Variants in MYH11 observed in about 807,000 individuals in gnomAD.
The protein encoded by MYH11 is myosin heavy chain 11.
Under a neutral mutation model 246.6 loss-of-function variants are expected in MYH11, and 80 were observed. The observed-to-expected ratio is 0.32, with a 90% CI of 0.27 to 0.39. MYH11 has a LOEUF of 0.39. Among genes scored for constraint, MYH11 ranks in the 10% least tolerant of loss-of-function variants. The pLI is 1.00. For synonymous variants in MYH11, 1,071 were observed against 1,015.5 expected, an observed-to-expected ratio of 1.05 and a Z score of -1.04; for missense variants, 2,158 against 2,546.8, an observed-to-expected ratio of 0.85 and a Z score of 3.29.
intron 4 of MYH11, among the ~76,000 whole-genome samples, chr16:15,794,490 G>A (rs548378654): frequency 5.0e-4 from 76 of 152,354 alleles, no homozygotes; most frequent in African/African-American, 1.8e-3. Flanking sequence ...CCTAACAATG[G>A]CTAAGGCCTC....
intron 40 of MYH11, among the ~76,000 whole-genome samples, chr16:15,707,974 AAAAAAG>A (rs1567673454): frequency 1.3e-5 from 2 of 151,448 alleles, no homozygotes; most frequent in African/African-American, 2.4e-5. Flanking sequence ...AAAAAAAAAA[AAAAAAG>A]CAAAATCCCA....
chr16:15,832,268 C>A (rs2043761017), intron 2 of MYH11, among the ~76,000 whole-genome samples: 1 of 152,126 alleles, frequency 6.6e-6, no homozygotes, highest in African/African-American at 2.4e-5. Context: ...GCTTGGAGTT[C>A]CAATGAGCAG....
chr16:15,794,671 G>T (rs554074124), intron 4 of MYH11, among the ~76,000 whole-genome samples: 1 of 152,354 alleles, frequency 6.6e-6, no homozygotes, highest in South Asian at 2.1e-4. Flanking sequence ...GGGAAGGGAG[G>T]AGAGGGGAGG....
chr16:15,748,263 G>C, intron 16 of MYH11, 95 bp from the exon 17 acceptor site: 1 of 1,577,892 alleles, frequency 6.3e-7, no homozygotes, highest in East Asian at 2.3e-5. Context: ...ACCTGGCCAG[G>C]CCATGAGGGT....
chr16:15,790,846 A>C (rs2042590934), intron 4 of MYH11: 1 of 151,892 alleles, frequency 6.6e-6, no homozygotes, highest in Non-Finnish European at 1.5e-5. Context: ...TGGCTTCATG[A>C]GTGTGACCTG....
At chr16:15,834,642 GAAAGT>G (rs1381497405) in intron 2 of MYH11, among the ~76,000 whole-genome samples, 1 of 151,954 alleles carries the variant, frequency 6.6e-6, no homozygotes, top group Non-Finnish European at 1.5e-5. Context: ...CCCTACTTAA[GAAAGT>G]AAAGATACAT....
At chr16:15,725,352 G>A (rs569742251) in intron 28 of MYH11, 297 of 560,014 alleles carry the variant, frequency 5.3e-4, no homozygotes, top group African/African-American at 5.0e-3. Flanking sequence ...GAGTCCAGAC[G>A]AGGTGCTCTG....
chr16:15,771,434 CCTT>C, intron 9 of MYH11, 132 bp downstream of exon 9: 1 of 922,642 alleles, frequency 1.1e-6, no homozygotes, highest in Non-Finnish European at 1.6e-6. Flanking sequence ...TCATTTTCCT[CCTT>C]TTTTTTTTTT....
At chr16:15,757,772 G>A in intron 13 of MYH11, 55 bp downstream of exon 13, 15 of 1,610,868 alleles carry the variant, frequency 9.3e-6, no homozygotes, top group East Asian at 2.2e-5. Context: ...GCTCCACAGA[G>A]GCCACACACG....
chr16:15,751,213 T>A (rs1410657384), intron 15 of MYH11, among the ~76,000 whole-genome samples: 1 of 151,624 alleles, frequency 6.6e-6, no homozygotes, highest in Non-Finnish European at 1.5e-5. Flanking sequence ...CAGGCTGGAG[T>A]GCAATGGCGT....
At chr16:15,739,747 CTT>C (rs111275327) in intron 23 of MYH11, among the ~76,000 whole-genome samples, 9 of 145,862 alleles carry the variant, frequency 6.2e-5, no homozygotes, top group Admixed American at 6.9e-5. Context: ...CTTGATTCCA[CTT>C]TTTTTTTTTT....
At chr16:15,852,358 G>A (rs12708801) in intron 1 of MYH11, among the ~76,000 whole-genome samples, 29,166 of 125,258 alleles carry the variant, frequency 0.23, 3,417 homozygotes, top group East Asian at 0.44. Context: ...TTTTGAGACC[G>A]AGTCTCACTC....
intron 34 of MYH11, 120 bp from the exon 35 acceptor site, chr16:15,719,833 C>T (rs2040371714): frequency 2.1e-6 from 3 of 1,410,704 alleles, no homozygotes. Flanking sequence ...AAGAAGTTCC[C>T]ATTGCACGAG....
At chr16:15,771,109 C>G (rs1260027648) in intron 9 of MYH11, among the ~76,000 whole-genome samples, 1 of 152,040 alleles carries the variant, frequency 6.6e-6, no homozygotes, top group African/African-American at 2.4e-5. Flanking sequence ...ATCCTCCCAC[C>G]TCAGCCTCCT....
intron 37 of MYH11, chr16:15,718,008 G>C: frequency 2.1e-6 from 1 of 474,470 alleles, no homozygotes; most frequent in Admixed American, 3.3e-5. Context: ...CAGAGCTTCA[G>C]CTAGGGGAAA....
chr16:15,784,485 C>T (rs966491626), intron 5 of MYH11, among the ~76,000 whole-genome samples: 6 of 152,016 alleles, frequency 3.9e-5, no homozygotes, highest in South Asian at 2.1e-4. Context: ...ATAGGCGTCC[C>T]GTGGGTGGTA....
chr16:15,747,679 T>C lies in MYH11; in HGVS notation c.2302A>G (p.Ile768Val), dbSNP rs779331046. Residue 768 changes from isoleucine (I) to valine (V), a missense_variant, in exon 19 of 41, where the codon ATC (isoleucine) becomes GTC (valine). By Grantham distance (29) the Ile-to-Val change is conservative (BLOSUM62 3). Coordinates refer to ENST00000300036, the MANE Select transcript of MYH11 (RefSeq NM_002474.3). ...GCCAGGACGCCAGTTCGGAAGAAGA[T>C]TTTGCTCTGCCCTATCCTGTATAAG... is the stretch of plus-strand genomic sequence containing the variant. Reference protein sequence around the residue: ...PNLYRIGQSKIFFRTGVLAHL... With the variant: ...PNLYRIGQSKVFFRTGVLAHL... 25 of 1,613,896 alleles carry C rather than the reference T, an allele frequency of 1.5e-5. No individual in the cohort carries two copies. The highest frequency in any genetic ancestry group is 8.5e-6 in the Non-Finnish European group (10 of 1,180,012).
At chr16:15,824,519 G>A (rs924504615) in intron 2 of MYH11, among the ~76,000 whole-genome samples, 12 of 152,158 alleles carry the variant, frequency 7.9e-5, no homozygotes, top group Non-Finnish European at 1.6e-4. Flanking sequence ...GAGCTGAGGT[G>A]ATGCGCCAGT....
intron 2 of MYH11, among the ~76,000 whole-genome samples, chr16:15,828,676 C>A (rs2043637936): frequency 6.6e-6 from 1 of 150,738 alleles, no homozygotes; most frequent in East Asian, 2.0e-4. Flanking sequence ...GCCTGTAATC[C>A]CAGCTAGTCG....
Sources: allele counts gnomAD v4.1 joint callset (sites outside exome capture counted in the v4.1 genomes callset), GRCh38; gene constraint gnomAD v4.1.1; transcripts MANE v1.5; gene names NCBI Gene and HGNC (gene_info 2026-07-23, HGNC 2026-07-21).